SIGLEC8: variants seen among roughly 807,000 people sequenced by gnomAD.
The protein encoded by SIGLEC8 is sialic acid binding Ig like lectin 8.
In SIGLEC8, 32 loss-of-function variants were observed where a neutral mutation model predicts 42.1. The ratio of observed to expected loss-of-function variants is 0.76; its 90% CI spans 0.57 to 1.02. The LOEUF (loss-of-function observed/expected upper bound fraction) is 1.02. SIGLEC8 is among the 50% of genes least tolerant of loss of function. The probability of loss-of-function intolerance (pLI) is 0.00; values close to 1 mark genes in which losing one functional copy is unlikely to be tolerated. For synonymous variants in SIGLEC8, 262 were observed against 260.3 expected, an observed-to-expected ratio of 1.01 and a Z score of -0.06; for missense variants, 611 against 610.2, an observed-to-expected ratio of 1.00 and a Z score of -0.01.
Position 51,454,844 on chromosome 19 carries a change from C to T in SIGLEC8, c.1052-64G>A. 8.5e-7 allele frequency: 1 copy of T among 1,174,468 alleles called. No individual in the cohort carries two copies. The allele number at this position is 1,174,468 out of a possible 1,614,324, so 72.8% of individuals were successfully genotyped here. A position where few individuals can be genotyped will look rare whatever the true frequency, so the allele number is the denominator to read the frequency against. On this transcript the variant is annotated intron_variant, in intron 4 of 6. Transcript: ENST00000321424. This position sits in a 1 kb window ranked among gnomAD's most constrained non-coding sequence, Gnocchi z 4.7. ...CGGAGAAGTGGGTCTCTTCCCCTCC[C>T]ACTGTCTGCAGGGCCCTAGACTTCC...
chr19:51,455,847 T>C (rs1318225021), intron 3 of SIGLEC8, among the ~76,000 whole-genome samples, 160 bp from the exon 4 acceptor site: 1 of 152,098 alleles, frequency 6.6e-6, no homozygotes, highest in African/African-American at 2.4e-5. Flanking sequence ...AATGATAGAC[T>C]GGATTAAGAA....
In SIGLEC8 at chr19:51,452,277, G is replaced by A. The variant is rs1989381805; in HGVS notation, c.*102C>T. ...CAGGGATGGGTCCCTGGTAGCCGGG[G>A]AAAGGGGAGACATTGGTCCAAGTTT... is the stretch of plus-strand genomic sequence containing the variant. On this transcript the variant is annotated 3_prime_UTR_variant, in exon 7 of 7. Coordinates refer to ENST00000321424, the MANE Select transcript of SIGLEC8 (RefSeq NM_014442.3). The A allele has an allele frequency of 8.0e-6, 8 of 1,003,806 alleles. No individual in the cohort carries two copies. Among genetic ancestry groups the A allele is most frequent in the Admixed American group, 7.3e-5 (3 of 41,230 alleles). The allele number at this position is 1,003,806 out of a possible 1,614,324, so 62.2% of individuals were successfully genotyped here.
At position 51,451,303 on chromosome 19, in the gene SIGLEC8, A is replaced by G. The variant is rs1250010667; in HGVS notation, c.*1076T>C. 6.6e-6 allele frequency: 1 copy of G among 151,204 alleles called. No homozygotes were observed. The highest frequency in any genetic ancestry group is 1.5e-5 in the Non-Finnish European group (1 of 67,942). 9.4% of individuals were successfully genotyped at this position (151,204 alleles called of 1,614,324 possible). A position where few individuals can be genotyped will look rare whatever the true frequency, so the allele number is the denominator to read the frequency against. ...AAGATTTGGGTGGGGACACAGCCAA[A>G]CCATATCAAACAAACAACCTGCAAT... is the stretch of plus-strand genomic sequence containing the variant. On this transcript the variant is annotated 3_prime_UTR_variant, in exon 7 of 7. Transcript: ENST00000321424.
rs779976795 is a variant in SIGLEC8, at chr19:51,455,582, G to T, written c.887C>A (p.Thr296Asn). The change falls in exon 4 of 7, where the codon ACC (threonine) becomes AAC (asparagine). Residue 296 changes from threonine to asparagine, a missense_variant. Transcript: ENST00000321424. ...NSNPPARLSW[T>N]RGSLTLCPSR... is the part of the protein sequence containing the mutation. Reference sequence around the variant, plus strand: ...GGGGCACAGGGTCAGGCTCCCCCGGGTCCAGCTCAGCCTGGCAGGGGGATT... The same window carrying T: ...GGGGCACAGGGTCAGGCTCCCCCGGTTCCAGCTCAGCCTGGCAGGGGGATT... The T allele has an allele frequency of 1.2e-6, 2 of 1,614,122 alleles. No homozygotes were observed. Among genetic ancestry groups the T allele is most frequent in the Non-Finnish European group, 1.7e-6 (2 of 1,179,992 alleles).
chr19:51,453,135 C>A (rs1989408347), intron 6 of SIGLEC8, among the ~76,000 whole-genome samples: 1 of 151,872 alleles, frequency 6.6e-6, no homozygotes, highest in Non-Finnish European at 1.5e-5. Flanking sequence ...GTTGCCCAGG[C>A]TGGAGTGCAG....
In SIGLEC8 at chr19:51,458,302, A is replaced by G; in HGVS notation, c.86T>C (p.Leu29Pro). The G allele has an allele frequency of 6.2e-7, 1 of 1,614,136 alleles. No homozygotes were observed. The highest frequency in any genetic ancestry group is 2.2e-5 in the East Asian group (1 of 44,882). Residue 29 changes from leucine to proline, a missense_variant, in exon 1 of 7, where the codon CTG (leucine) becomes CCG (proline). By Grantham distance (98) the Leu-to-Pro change is moderately conservative. Coordinates refer to ENST00000321424, the MANE Select transcript of SIGLEC8 (RefSeq NM_014442.3). The part of the protein sequence containing the change: ...GDRQYGDGYL[L>P]QVQELVTVQE... The stretch of plus-strand genomic sequence containing the variant: ...CACCGTCACCAGCTCCTGCACTTGC[A>G]GCAAGTAACCATCCCCATATTGTCT...
At position 51,455,519 on chromosome 19, in the gene SIGLEC8, C is replaced by A. The variant is rs749906036; in HGVS notation, c.950G>T (p.Arg317Leu). The A allele has an allele frequency of 6.8e-6, 11 of 1,614,118 alleles. No homozygotes were observed. Among genetic ancestry groups the A allele is most frequent in the Non-Finnish European group, 6.8e-6 (8 of 1,180,014 alleles). ...SSNPGLLELP[R>L]VHVRDEGEFT... ...TTCCCCTTCATCCCTCACGTGCACT[C>A]GAGGCAGCTCCAGCAGCCCAGGGTT... The change falls in exon 4 of 7, where the codon CGA (arginine) becomes CTA (leucine). Residue 317 changes from arginine to leucine, a missense_variant. Arg to Leu is a moderately radical substitution (Grantham distance 102). Coordinates refer to ENST00000321424, the MANE Select transcript of SIGLEC8 (RefSeq NM_014442.3).
chr19:51,457,076 C>T, intron 3 of SIGLEC8, 108 bp downstream of exon 3: 1 of 1,022,142 alleles, frequency 9.8e-7, no homozygotes, highest in Non-Finnish European at 1.5e-6. Context: ...GGCTCACGCA[C>T]AGTGGCAGCT....
In SIGLEC8 at chr19:51,454,679, C is replaced by T. The variant is rs1568514530; in HGVS notation, c.1148+5G>A. The T allele has an allele frequency of 6.2e-7, 1 of 1,609,784 alleles. No individual in the cohort carries two copies. Among genetic ancestry groups the T allele is most frequent in the Middle Eastern group, 1.7e-4 (1 of 5,840 alleles). Reference sequence around the variant, plus strand: ...TCTCTCTCCCTCCCCAGGGTCAATGCTCACATGATGAAGATGATGCAGAAG... The same window carrying T: ...TCTCTCTCCCTCCCCAGGGTCAATGTTCACATGATGAAGATGATGCAGAAG... On this transcript the variant is annotated splice_donor_5th_base_variant and intron_variant, in intron 5 of 6. Coordinates refer to ENST00000321424, the MANE Select transcript of SIGLEC8 (RefSeq NM_014442.3). This position sits in a 1 kb window ranked among gnomAD's most constrained non-coding sequence, Gnocchi z 4.7.
At position 51,453,756 on chromosome 19, in the gene SIGLEC8, C is replaced by T. The variant is rs527663036; in HGVS notation, c.1245+463G>A. On this transcript the variant is annotated intron_variant, in intron 6 of 6. Transcript: ENST00000321424. ...GTAAATTATGATACAACGGGCAAAA[C>T]GAGAGTAAATGAGAGAGAATTACAG... is the stretch of plus-strand genomic sequence containing the variant. The T allele has an allele frequency of 1.2e-3, 1,137 of 984,330 alleles. 1 individual carries two copies. Among genetic ancestry groups the T allele is most frequent in the Non-Finnish European group, 1.3e-3 (1,091 of 829,242 alleles). 61.0% of individuals were successfully genotyped at this position (984,330 alleles called of 1,614,324 possible).
At chr19:51,453,915 G>A in intron 6 of SIGLEC8, 2 of 985,246 alleles carry the variant, frequency 2.0e-6, no homozygotes, top group Non-Finnish European at 2.4e-6. Flanking sequence ...CTGGGGCCAG[G>A]GAGAAGAGAT....
chr19:51,458,056 ATGCTCAGGGAGCAGTCGT>A lies in SIGLEC8; in HGVS notation c.314_331del (p.Asn105_Ser110del). On this transcript the variant is annotated inframe_deletion, in exon 1 of 7. Coordinates refer to ENST00000321424, the MANE Select transcript of SIGLEC8 (RefSeq NM_014442.3). ...CTTATCCCTCTTCCTGGCGTCTCTG[ATGCTCAGGGAGCAGTCGT>A]TGCTCCAAATGTCCCCAAGGAGTTG... The A allele has an allele frequency of 6.2e-7, 1 of 1,614,082 alleles. No homozygotes were observed. The highest frequency in any genetic ancestry group is 8.5e-7 in the Non-Finnish European group (1 of 1,179,996).
At position 51,452,158 on chromosome 19, in the gene SIGLEC8, G is replaced by A; in HGVS notation, c.*221C>T. 2.4e-6 allele frequency: 1 copy of A among 415,650 alleles called. No homozygotes were observed. The highest frequency in any genetic ancestry group is 4.3e-6 in the Non-Finnish European group (1 of 234,088). 25.7% of individuals were successfully genotyped at this position (415,650 alleles called of 1,614,324 possible). A position where few individuals can be genotyped will look rare whatever the true frequency, so the allele number is the denominator to read the frequency against. On this transcript the variant is annotated 3_prime_UTR_variant, in exon 7 of 7. Transcript: ENST00000321424. ...GTGTAAAATGAGCCACACACAGAGA[G>A]GCAAGTACCACATGACCTCATCTCT... is the stretch of plus-strand genomic sequence containing the variant.
Position 51,452,383 on chromosome 19 carries a change from C to T in SIGLEC8, c.1496G>A (p.Gly499Asp). ...AGGGTTCTTGTTCTATGAGAATCAGCCTCTGACTTCTTTGCTGGAGGGGTT... is the reference window on the plus strand; with the variant it reads ...AGGGTTCTTGTTCTATGAGAATCAGTCTCTGACTTCTTTGCTGGAGGGGTT... Reference protein sequence around the residue: ...NHNPSSKEVRG With the variant: ...NHNPSSKEVRD The change falls in exon 7 of 7, where the codon GGC becomes GAC. Residue 499 changes from glycine (G) to aspartate (D), a missense_variant. Gly to Asp is a moderately conservative substitution (Grantham distance 94, BLOSUM62 -1). Transcript: ENST00000321424. 1 of 1,597,602 alleles carries T rather than the reference C, an allele frequency of 6.3e-7. No homozygotes were observed. The highest frequency in any genetic ancestry group is 8.6e-7 in the Non-Finnish European group (1 of 1,166,450).
Position 51,457,689 on chromosome 19 carries a change from G to A in SIGLEC8, c.505C>T (p.His169Tyr). 6.2e-7 allele frequency: 1 copy of A among 1,605,080 alleles called. No homozygotes were observed. The highest frequency in any genetic ancestry group is 8.5e-7 in the Non-Finnish European group (1 of 1,175,836). ...ILILGTLESG[H>Y]SRNLTCSVPW... ...ACAGAGCAGGTCAGGTTCCTGGAGT[G>A]GCCAGACTCTAGGGTCCCTAGGATG... The change falls in exon 2 of 7, where the codon CAC becomes TAC. Residue 169 changes from histidine (H) to tyrosine (Y), a missense_variant. Physicochemically the swap from His to Tyr is moderately conservative, Grantham distance 83. Transcript: ENST00000321424.
Position 51,454,558 on chromosome 19 carries a change from C to T in SIGLEC8, c.1148+126G>A. 2.0e-6 allele frequency: 2 copies of T among 1,022,200 alleles called. No homozygotes were observed. The highest frequency in any genetic ancestry group is 3.0e-6 in the Non-Finnish European group (2 of 673,414). The allele number at this position is 1,022,200 out of a possible 1,614,324, so 63.3% of individuals were successfully genotyped here. A position where few individuals can be genotyped will look rare whatever the true frequency, so the allele number is the denominator to read the frequency against. On this transcript the variant is annotated intron_variant, in intron 5 of 6. Coordinates refer to ENST00000321424, the MANE Select transcript of SIGLEC8 (RefSeq NM_014442.3). The surrounding 1 kb of genome is among the most constrained non-coding windows in gnomAD (Gnocchi z 4.7). Reference sequence around the variant, plus strand: ...ACGCTCGTGAAATGCTCACCGTGCACCCGTGAGCTCATTCTTGCCCCAAGC... The same window carrying T: ...ACGCTCGTGAAATGCTCACCGTGCATCCGTGAGCTCATTCTTGCCCCAAGC...
At position 51,458,021 on chromosome 19, in the gene SIGLEC8, A is replaced by C; in HGVS notation, c.367T>G (p.Phe123Val). 6.2e-7 allele frequency: 1 copy of C among 1,614,164 alleles called. No individual in the cohort carries two copies. The highest frequency in any genetic ancestry group is 8.5e-7 in the Non-Finnish European group (1 of 1,180,022). ...ATGCTTCCTCTCTCTAGCCGAAAGA[A>C]ATATGACCCCTTATCCCTCTTCCTG... ...DARKRDKGSY[F>V]FRLERGSMKW... Residue 123 changes from phenylalanine (F) to valine (V), a missense_variant, in exon 1 of 7, where the codon TTC becomes GTC. Phe to Val is a conservative substitution (Grantham distance 50, BLOSUM62 -1). Transcript: ENST00000321424.
rs1345390206 is a variant in SIGLEC8, at chr19:51,457,222, C to T, written c.743G>A (p.Trp248Ter). The T allele has an allele frequency of 6.2e-7, 1 of 1,613,678 alleles. No homozygotes were observed. Among genetic ancestry groups the T allele is most frequent in the East Asian group, 2.2e-5 (1 of 44,864 alleles). ...TTGGAAGACAGTCATGGTCAAGTTCCAAGGAGGGTCTGGGACAGAAAGACA... is the reference window on the plus strand; with the variant it reads ...TTGGAAGACAGTCATGGTCAAGTTCTAAGGAGGGTCTGGGACAGAAAGACA... Reference protein sequence around the residue: ...TVRLDVSYPPWNLTMTVFQGD... With the variant: ...TVRLDVSYPP The change falls in exon 3 of 7, where the codon TGG becomes TAG. Residue 248 changes from tryptophan to a stop codon, truncating the protein, a stop_gained. Transcript: ENST00000321424. LOFTEE classifies it high-confidence loss of function.
In SIGLEC8 at chr19:51,457,679, T is replaced by C. The variant is rs1173660168; in HGVS notation, c.515A>G (p.Asn172Ser). ...GGCCCAGGGCACAGAGCAGGTCAGG[T>C]TCCTGGAGTGGCCAGACTCTAGGGT... The part of the protein sequence containing the change: ...LGTLESGHSR[N>S]LTCSVPWACK... The change falls in exon 2 of 7, where the codon AAC (asparagine) becomes AGC (serine). Residue 172 changes from asparagine to serine, a missense_variant. Transcript: ENST00000321424. The C allele has an allele frequency of 6.2e-7, 1 of 1,607,982 alleles. No individual in the cohort carries two copies. The highest frequency in any genetic ancestry group is 1.7e-5 in the Admixed American group (1 of 59,308).
Sources: gnomAD v4.1 joint callset for allele counts (sites outside exome capture counted in the v4.1 genomes callset) on GRCh38, gnomAD v4.1.1 for gene constraint, Gnocchi (gnomAD v3.1) non-coding constraint, MANE v1.5 for transcripts, NCBI Gene and HGNC (gene_info 2026-07-23, HGNC 2026-07-21) for gene names.